The following UNC13C variants were observed in gnomAD, a reference collection of about 807,000 sequenced individuals.
UNC13C encodes the protein protein unc-13 homolog C.
A neutral mutation model predicts 245.4 loss-of-function variants in UNC13C; 174 were observed. The observed-to-expected ratio is 0.71, with a 90% CI of 0.63 to 0.80. The LOEUF is 0.80. Ranked by LOEUF, UNC13C falls within the 30% of genes least tolerant of loss-of-function variation. The pLI is 0.00. For missense variants in UNC13C, 2,829 were observed against 2,602.9 expected, an observed-to-expected ratio of 1.09 and a Z score of -1.89; for synonymous variants, 992 against 895.1, an observed-to-expected ratio of 1.11 and a Z score of -1.93.
At chr15:54,266,950 T>C (rs546613838) in intron 10 of UNC13C, among the ~76,000 whole-genome samples, 1 of 152,216 alleles carries the variant, frequency 6.6e-6, no homozygotes, top group African/African-American at 2.4e-5. Flanking sequence ...CGTAATTATT[T>C]TGAGATCCAT....
intron 4 of UNC13C, among the ~76,000 whole-genome samples, chr15:54,161,045 G>A (rs1015436920): frequency 7.9e-5 from 12 of 152,134 alleles, no homozygotes; most frequent in African/African-American, 2.4e-4. Context: ...AAAGAGCTCA[G>A]TTGATCTACA....
At chr15:54,279,658 G>T (rs1037253359) in intron 10 of UNC13C, among the ~76,000 whole-genome samples, 2 of 152,172 alleles carry the variant, frequency 1.3e-5, no homozygotes, top group African/African-American at 4.8e-5. Context: ...CTACAGAAAT[G>T]AATGCTGACT....
intron 18 of UNC13C, among the ~76,000 whole-genome samples, chr15:54,411,982 T>C (rs2040424757): frequency 6.6e-6 from 1 of 152,194 alleles, no homozygotes; most frequent in Non-Finnish European, 1.5e-5. Flanking sequence ...TTCATAGTTT[T>C]CTTCATATAA....
At chr15:54,475,642 A>C (rs907359831) in intron 19 of UNC13C, among the ~76,000 whole-genome samples, 4 of 150,252 alleles carry the variant, frequency 2.7e-5, no homozygotes, top group African/African-American at 7.3e-5. Flanking sequence ...TGAACTCATC[A>C]TTTTTTATGG....
intron 2 of UNC13C, among the ~76,000 whole-genome samples, chr15:54,031,803 A>T (rs191752566): frequency 1.3e-4 from 20 of 152,380 alleles, no homozygotes; most frequent in African/African-American, 3.6e-4. Context: ...GCTGCATAAA[A>T]TTAAGCATAA....
intron 4 of UNC13C, among the ~76,000 whole-genome samples, chr15:54,171,198 T>A (rs985760914): frequency 6.6e-5 from 10 of 152,086 alleles, no homozygotes; most frequent in African/African-American, 2.4e-4. Flanking sequence ...AACTTGCAAT[T>A]ACTATAGATT....
the UNC13C span, among the ~76,000 whole-genome samples, chr15:53,889,705 CTT>C: frequency 6.6e-6 from 1 of 152,040 alleles, no homozygotes; most frequent in Non-Finnish European, 1.5e-5. Flanking sequence ...ATAAATAACT[CTT>C]ATTATTTTGT....
At chr15:54,210,575 CAT>C (rs1464052566) in intron 4 of UNC13C, among the ~76,000 whole-genome samples, 1 of 152,038 alleles carries the variant, frequency 6.6e-6, no homozygotes, top group Non-Finnish European at 1.5e-5. Context: ...TGCGTCATCA[CAT>C]GTCTCTTTAT....
At chr15:53,878,547 G>A in the UNC13C span, among the ~76,000 whole-genome samples, 3 of 152,148 alleles carry the variant, frequency 2.0e-5, no homozygotes, top group Non-Finnish European at 2.9e-5. Flanking sequence ...CCTGGCTGGG[G>A]TTCCATTTAG....
intron 2 of UNC13C, among the ~76,000 whole-genome samples, chr15:54,111,161 C>G (rs573071452): frequency 6.6e-6 from 1 of 152,162 alleles, no homozygotes; most frequent in Non-Finnish European, 1.5e-5. Flanking sequence ...CTTGGAGAAA[C>G]ATCCTCCTGT....
At chr15:54,614,672 T>C (rs1217701491) in intron 30 of UNC13C, among the ~76,000 whole-genome samples, 1 of 152,058 alleles carries the variant, frequency 6.6e-6, no homozygotes. Flanking sequence ...CTAGGTATTG[T>C]GTAATTTTTT....
At chr15:54,080,483 C>T (rs905802521) in intron 2 of UNC13C, among the ~76,000 whole-genome samples, 4 of 151,556 alleles carry the variant, frequency 2.6e-5, no homozygotes, top group Admixed American at 6.6e-5. Context: ...TTTTTATTAC[C>T]GATTCATTTC....
At chr15:54,463,264 GC>G (rs1282110646) in intron 19 of UNC13C, among the ~76,000 whole-genome samples, 1 of 57,764 alleles carries the variant, frequency 1.7e-5, no homozygotes, top group African/African-American at 5.7e-5. Context: ...TAGAATGTGG[GC>G]GGGGGGGGGG....
chr15:54,539,509 A>C (rs1270851107), intron 26 of UNC13C, among the ~76,000 whole-genome samples: 1 of 151,472 alleles, frequency 6.6e-6, no homozygotes, highest in Non-Finnish European at 1.5e-5. Flanking sequence ...TTAGTATACG[A>C]CTCTTTTCTA....
At chr15:54,192,556 A>G (rs2034221330) in intron 4 of UNC13C, among the ~76,000 whole-genome samples, 1 of 152,128 alleles carries the variant, frequency 6.6e-6, no homozygotes, top group Non-Finnish European at 1.5e-5. Flanking sequence ...CATCTTACTC[A>G]TCACATTACT....
chr15:53,937,043 T>C, the UNC13C span, among the ~76,000 whole-genome samples: 2 of 152,194 alleles, frequency 1.3e-5, no homozygotes, highest in African/African-American at 4.8e-5. Context: ...ATGGCTGAAT[T>C]GACAGAAGTA....
chr15:54,629,220 G>A (rs1327927163), downstream of UNC13C: 1 of 152,122 alleles, frequency 6.6e-6, no homozygotes, highest in Non-Finnish European at 1.5e-5. Context: ...GTTATCACAA[G>A]TGGAAGCTAA....
At chr15:53,942,319 G>A in the UNC13C span, among the ~76,000 whole-genome samples, 2,541 of 152,126 alleles carry the variant, frequency 0.017, 108 homozygotes, top group East Asian at 0.14. Flanking sequence ...ACCAAACACC[G>A]CATGTTCTCA....
chr15:54,000,510 A>C (rs1894837954), intron 1 of UNC13C, among the ~76,000 whole-genome samples: 1 of 152,130 alleles, frequency 6.6e-6, no homozygotes, highest in Non-Finnish European at 1.5e-5. Flanking sequence ...CTAAGAGTAA[A>C]ACCAATTTTA....
Sources: gnomAD v4.1 joint callset for allele counts (sites outside exome capture counted in the v4.1 genomes callset) on GRCh38, gnomAD v4.1.1 for gene constraint, MANE v1.5 for transcripts, NCBI Gene and HGNC (gene_info 2026-07-23, HGNC 2026-07-21) for gene names.